CNOT10: variants seen among roughly 807,000 people sequenced by gnomAD.
CNOT10 encodes CCR4-NOT transcription complex subunit 10.
A neutral mutation model predicts 94.6 loss-of-function variants in CNOT10; 30 were observed. That is an observed-to-expected ratio of 0.32 (90% CI 0.24 to 0.43). The LOEUF is 0.43. Ranked by LOEUF, CNOT10 falls within the 20% of genes least tolerant of loss-of-function variation. The pLI is 1.00. For synonymous variants in CNOT10, 289 were observed against 301.6 expected (o/e 0.96, Z 0.43); for missense variants, 759 against 877.2 (o/e 0.87, Z 1.70).
chr3:32,743,114 T>G (rs1169148739), intron 13 of CNOT10, among the ~76,000 whole-genome samples: 1 of 151,724 alleles, frequency 6.6e-6, no homozygotes, highest in Non-Finnish European at 1.5e-5. Flanking sequence ...GCCTCCCAAG[T>G]AGCTGGAATT....
intron 13 of CNOT10, 29 bp downstream of exon 13, chr3:32,737,519 A>G (rs1699241659): frequency 1.4e-6 from 2 of 1,383,032 alleles, no homozygotes; most frequent in East Asian, 2.3e-5. Flanking sequence ...TTAGCATTGC[A>G]TCTATTGAAA....
chr3:32,704,153 G>A (rs1427205142), intron 2 of CNOT10, among the ~76,000 whole-genome samples, 191 bp downstream of exon 2: 1 of 152,110 alleles, frequency 6.6e-6, no homozygotes. Flanking sequence ...GGAATAATTG[G>A]AGCCATTCCC....
intron 13 of CNOT10, among the ~76,000 whole-genome samples, chr3:32,750,768 T>G (rs548826095): frequency 1.3e-5 from 2 of 152,142 alleles, no homozygotes; most frequent in Admixed American, 1.3e-4. Context: ...GTCAGGCTGG[T>G]CTCGAACTCC....
intron 10 of CNOT10, among the ~76,000 whole-genome samples, chr3:32,731,761 G>A (rs1019897094): frequency 6.6e-6 from 1 of 152,122 alleles, no homozygotes; most frequent in Non-Finnish European, 1.5e-5. Flanking sequence ...ACAGGTGTGA[G>A]CCACCTTGCC....
At chr3:32,708,843 A>C in intron 4 of CNOT10, 23 bp downstream of exon 4, 16 of 1,588,686 alleles carry the variant, frequency 1.0e-5, no homozygotes, top group Non-Finnish European at 1.4e-5. Flanking sequence ...TCAAGTCAAA[A>C]ATTTCCCTAT....
intron 3 of CNOT10, among the ~76,000 whole-genome samples, chr3:32,705,381 G>A (rs562323051): frequency 3.0e-4 from 46 of 152,246 alleles, no homozygotes; most frequent in Non-Finnish European, 5.3e-4. Context: ...TCTGGCTTGG[G>A]GCTTGAATTG....
chr3:32,731,839 G>A (rs1698969906), intron 10 of CNOT10, among the ~76,000 whole-genome samples: 2 of 152,114 alleles, frequency 1.3e-5, no homozygotes, highest in Non-Finnish European at 1.5e-5. Context: ...AGCACTTCGG[G>A]AGGCTGAGGC....
At chr3:32,721,586 G>T (rs1055502999) in intron 8 of CNOT10, among the ~76,000 whole-genome samples, 2 of 149,682 alleles carry the variant, frequency 1.3e-5, no homozygotes, top group African/African-American at 4.9e-5. Context: ...GACTTCTTTA[G>T]ATCATTACCT....
chr3:32,738,890 T>C (rs536344070), intron 13 of CNOT10, among the ~76,000 whole-genome samples: 1 of 152,018 alleles, frequency 6.6e-6, no homozygotes, highest in East Asian at 1.9e-4. Flanking sequence ...AATCTGCAGT[T>C]ATACCTCTAT....
At chr3:32,742,491 C>T (rs1295486143) in intron 13 of CNOT10, among the ~76,000 whole-genome samples, 2 of 152,160 alleles carry the variant, frequency 1.3e-5, no homozygotes, top group Admixed American at 6.5e-5. Context: ...AAGCGACTCT[C>T]ATGCCTCAGC....
chr3:32,695,773 G>A, intron 1 of CNOT10: 1 of 1,535,900 alleles, frequency 6.5e-7, no homozygotes, highest in Non-Finnish European at 8.7e-7. Flanking sequence ...TGGCAACGGA[G>A]ACTACTTTTG....
chr3:32,721,211 G>A (rs1264601350), intron 8 of CNOT10, among the ~76,000 whole-genome samples: 2 of 150,582 alleles, frequency 1.3e-5, no homozygotes, highest in Non-Finnish European at 3.0e-5. Context: ...CTACAGGCAC[G>A]CACCACCATG....
chr3:32,736,790 G>A (rs1699206985), intron 12 of CNOT10, among the ~76,000 whole-genome samples: 1 of 152,102 alleles, frequency 6.6e-6, no homozygotes, highest in Non-Finnish European at 1.5e-5. Flanking sequence ...AGAAAAGGCA[G>A]GGGTTGAGGG....
Position 32,741,737 on chromosome 3 carries a change from C to A in CNOT10, c.1595+4247C>A, listed in dbSNP as rs1214199461. Reference sequence around the variant, plus strand: ...TGAGCCGAAATCGTGCCACTGCCCCCCAGCCTGGGCGACAGAGCGAGACTC... The same window carrying A: ...TGAGCCGAAATCGTGCCACTGCCCCACAGCCTGGGCGACAGAGCGAGACTC... On this transcript the variant is annotated intron_variant, in intron 13 of 18. Transcript: ENST00000328834. Among the ~76,000 whole-genome samples the A allele has an allele frequency of 3.7e-4, 55 of 148,842 alleles. No individual in the cohort carries two copies. The Middle Eastern group carries it at 0.014, about 39-fold the overall frequency.
At chr3:32,759,289 G>C (rs927481639) in intron 13 of CNOT10, among the ~76,000 whole-genome samples, 169 bp from the exon 14 acceptor site, 1 of 152,120 alleles carries the variant, frequency 6.6e-6, no homozygotes, top group African/African-American at 2.4e-5. Context: ...CTGTGTTTCA[G>C]AATTGTTTTA....
chr3:32,692,756 C>T (rs1190371266), intron 1 of CNOT10, among the ~76,000 whole-genome samples: 2 of 152,046 alleles, frequency 1.3e-5, no homozygotes, highest in Admixed American at 1.3e-4. Context: ...TAAAGAGTAG[C>T]TCTCCTGGGC....
chr3:32,690,173 G>A (rs1056011025), intron 1 of CNOT10, among the ~76,000 whole-genome samples: 2 of 152,212 alleles, frequency 1.3e-5, no homozygotes, highest in Non-Finnish European at 1.5e-5. Context: ...TCCAGGTAAG[G>A]AATGATAAGA....
rs77587442 is a variant in CNOT10, at chr3:32,764,815, T to A, written c.2004+6T>A. On this transcript the variant is annotated splice_donor_region_variant and intron_variant, in intron 17 of 18. Transcript: ENST00000328834. ...CCCGAAAGTGTCTCCACCAGGTGAG[T>A]CCAGAGTGGGAGGAACTGAACCTTG... 0.022 allele frequency: 35,659 copies of A among 1,613,552 alleles called. 565 individuals carry two copies. Among genetic ancestry groups the A allele is most frequent in the Middle Eastern group, 0.068 (412 of 6,058 alleles).
intron 17 of CNOT10, among the ~76,000 whole-genome samples, chr3:32,767,611 C>T (rs1332916465): frequency 6.6e-6 from 1 of 151,246 alleles, no homozygotes; most frequent in African/African-American, 2.4e-5. Flanking sequence ...GATGCTTTAC[C>T]ATGTGAAAAA....
Sources: allele counts gnomAD v4.1 joint callset (sites outside exome capture counted in the v4.1 genomes callset), GRCh38; gene constraint gnomAD v4.1.1; transcripts MANE v1.5; gene names NCBI Gene and HGNC (gene_info 2026-07-23, HGNC 2026-07-21).